Variants in TUBA4A observed in about 807,000 individuals in gnomAD.
TUBA4A encodes the protein tubulin alpha 4a, also known as tubulin alpha-4A chain.
Under a neutral mutation model 34.3 loss-of-function variants are expected in TUBA4A, and 23 were observed. That is an observed-to-expected ratio of 0.67 (90% confidence interval 0.48 to 0.95). The LOEUF is 0.95. Among genes scored for constraint, TUBA4A ranks in the 40% least tolerant of loss-of-function variants. TUBA4A has a pLI of 0.00. For synonymous variants in TUBA4A, 216 were observed against 230.5 expected (o/e 0.94, Z 0.57); for missense variants, 279 against 599.0 (o/e 0.47, Z 5.58).
Position 219,252,877 on chromosome 2 carries a change from C to G in TUBA4A, c.4-647G>C, listed in dbSNP as rs1490699754. ...GCAATAAGGTTTGAGGGTACTGGGG[C>G]GCTCACTGCCTTAGGCTCCGTCCCT... On this transcript the variant is annotated intron_variant, in intron 1 of 3. Transcript: ENST00000248437. This position sits in a 1 kb window ranked among gnomAD's most constrained non-coding sequence, Gnocchi z 4.1. 2 of 472,324 alleles carry G rather than the reference C, an allele frequency of 4.2e-6. No individual in the cohort carries two copies. The highest frequency in any genetic ancestry group is 8.8e-6 in the Non-Finnish European group (2 of 227,892). The allele number at this position is 472,324 out of a possible 1,614,324, so 29.3% of individuals were successfully genotyped here.
chr2:219,251,231 C>A lies in TUBA4A; in HGVS notation c.468G>T (p.Arg156=). 1 of 1,614,082 alleles carries A rather than the reference C, an allele frequency of 6.2e-7. No individual in the cohort carries two copies. Among genetic ancestry groups the A allele is most frequent in the Non-Finnish European group, 8.5e-7 (1 of 1,180,030 alleles). ...GSGFTSLLME[R]LSVDYGKKSK... is the part of the protein sequence containing the mutation. ...ATTTCTTGCCATAGTCAACAGAGAG[C>A]CGCTCCATCAGGAGTGAGGTGAAGC... is the stretch of plus-strand genomic sequence containing the variant. Residue 156 remains arginine (R), a synonymous_variant, in exon 4 of 4, where the codon CGG becomes CGT. Coordinates refer to ENST00000248437, the MANE Select transcript of TUBA4A (RefSeq NM_006000.3). This position sits in a 1 kb window ranked among gnomAD's most constrained non-coding sequence, Gnocchi z 6.1.
Position 219,252,328 on chromosome 2 carries a change from A to C in TUBA4A, c.4-98T>G. Reference sequence around the variant, plus strand: ...ACCCTATCATCTACCAGCTAGGATGACTCAGTTGGCAAGAGTGGAGGGTTG... The same window carrying C: ...ACCCTATCATCTACCAGCTAGGATGCCTCAGTTGGCAAGAGTGGAGGGTTG... On this transcript the variant is annotated intron_variant, in intron 1 of 3. Transcript: ENST00000248437. The surrounding 1 kb of genome is among the most constrained non-coding windows in gnomAD (Gnocchi z 4.1). 8.4e-7 allele frequency: 1 copy of C among 1,188,842 alleles called. No homozygotes were observed. The highest frequency in any genetic ancestry group is 1.4e-5 in the South Asian group (1 of 71,672). The allele number at this position is 1,188,842 out of a possible 1,614,324, so 73.6% of individuals were successfully genotyped here. A position where few individuals can be genotyped will look rare whatever the true frequency, so the allele number is the denominator to read the frequency against.
chr2:219,253,868 G>T lies in TUBA4A; in HGVS notation c.-10C>A. 1 of 1,464,568 alleles carries T rather than the reference G, an allele frequency of 6.8e-7. No homozygotes were observed. Among genetic ancestry groups the T allele is most frequent in the South Asian group, 1.4e-5 (1 of 70,084 alleles). 90.7% of individuals were successfully genotyped at this position (1,464,568 alleles called of 1,614,324 possible). Reference sequence around the variant, plus strand: ...GGGCCGCACTCACCATGGTGAGTCCGGGCGGTGCGTCTCACGTTGAGTCGG... The same window carrying T: ...GGGCCGCACTCACCATGGTGAGTCCTGGCGGTGCGTCTCACGTTGAGTCGG... On this transcript the variant is annotated 5_prime_UTR_variant, in exon 1 of 4. Coordinates refer to ENST00000248437, the MANE Select transcript of TUBA4A (RefSeq NM_006000.3).
chr2:219,253,797 TC>T, intron 1 of TUBA4A, 58 bp downstream of exon 1: 3 of 1,532,052 alleles, frequency 2.0e-6, no homozygotes, highest in South Asian at 1.2e-5. Context: ...GGAAGAAGTG[TC>T]CCCCAAAGGA....
chr2:219,252,376 GAGT>G lies in TUBA4A; in HGVS notation c.4-149_4-147del. The G allele has an allele frequency of 1.2e-6, 1 of 810,770 alleles. No homozygotes were observed. 50.2% of individuals were successfully genotyped at this position (810,770 alleles called of 1,614,324 possible). On this transcript the variant is annotated intron_variant, in intron 1 of 3. Transcript: ENST00000248437. This position sits in a 1 kb window ranked among gnomAD's most constrained non-coding sequence, Gnocchi z 4.1. ...TTGGGGCTGGGCAGAGGTGAGAAGA[GAGT>G]AGCAGCCTGCCCGGGCTCCCAGGTA...
Position 219,252,848 on chromosome 2 carries a change from G to A in TUBA4A, c.4-618C>T. 2.1e-6 allele frequency: 1 copy of A among 472,336 alleles called. No homozygotes were observed. The highest frequency in any genetic ancestry group is 4.4e-6 in the Non-Finnish European group (1 of 227,994). 29.3% of individuals were successfully genotyped at this position (472,336 alleles called of 1,614,324 possible). A position where few individuals can be genotyped will look rare whatever the true frequency, so the allele number is the denominator to read the frequency against. ...ATGCTTGTAAGCTCAGACAGCAGGG[G>A]CCAGCAATAAGGTTTGAGGGTACTG... On this transcript the variant is annotated intron_variant, in intron 1 of 3. Coordinates refer to ENST00000248437, the MANE Select transcript of TUBA4A (RefSeq NM_006000.3). The surrounding 1 kb of genome is among the most constrained non-coding windows in gnomAD (Gnocchi z 4.1).
upstream of TUBA4A, chr2:219,253,953 G>A (rs995032513): frequency 1.0e-5 from 12 of 1,184,042 alleles, no homozygotes; most frequent in South Asian, 2.5e-4. Flanking sequence ...TTATAGGCGG[G>A]GGGGGGGCGG....
In TUBA4A at chr2:219,251,478, A is replaced by T; in HGVS notation, c.375+87T>A. 1 of 1,553,372 alleles carries T rather than the reference A, an allele frequency of 6.4e-7. No homozygotes were observed. Among genetic ancestry groups the T allele is most frequent in the South Asian group, 1.2e-5 (1 of 82,014 alleles). On this transcript the variant is annotated intron_variant, in intron 3 of 3. Transcript: ENST00000248437. The surrounding 1 kb of genome is among the most constrained non-coding windows in gnomAD (Gnocchi z 6.1). ...CACTCGAGACCATGTATAGTTAGAG[A>T]TGACCTCCTGAAAGGATCTGAAAAA...
At position 219,251,566 on chromosome 2, in the gene TUBA4A, A is replaced by C. The variant is rs1243227760; in HGVS notation, c.374T>G (p.Leu125Arg). Reference protein sequence around the residue: ...IDPVLDRIRKLSDQCTGLQGF... With the variant: ...IDPVLDRIRKRSDQCTGLQGF... ...CTCCCTCCCAAGACACACTCTCACC[A>C]GCTTGCGGATCCGATCCAGCACTGG... is the stretch of plus-strand genomic sequence containing the variant. Residue 125 changes from leucine to arginine, a missense_variant and splice_region_variant, in exon 3 of 4, where the codon CTG becomes CGG. Physicochemically the swap from Leu to Arg is moderately radical, Grantham distance 102 (BLOSUM62 -2). Around this residue, in one of 3 missense-constraint regions of TUBA4A, gnomAD observed 98 missense variants for 171.1 expected, o/e 0.57. Transcript: ENST00000248437. The surrounding 1 kb of genome is among the most constrained non-coding windows in gnomAD (Gnocchi z 6.1). 6.2e-7 allele frequency: 1 copy of C among 1,613,018 alleles called. No homozygotes were observed. Among genetic ancestry groups the C allele is most frequent in the South Asian group, 1.1e-5 (1 of 91,026 alleles).
rs1951668525 is a variant in TUBA4A, at chr2:219,252,717, TG to T, written c.4-488del. On this transcript the variant is annotated intron_variant, in intron 1 of 3. Transcript: ENST00000248437. The surrounding 1 kb of genome is among the most constrained non-coding windows in gnomAD (Gnocchi z 4.1). ...CTCACCTTTAAATCCCATCTGGCTC[TG>T]GGGATCAATCCCATCTGGCTCCTCT... The T allele has an allele frequency of 2.2e-6, 1 of 457,062 alleles. No homozygotes were observed. Among genetic ancestry groups the T allele is most frequent in the African/African-American group, 2.0e-5 (1 of 49,948 alleles). 28.3% of individuals were successfully genotyped at this position (457,062 alleles called of 1,614,324 possible).
rs1951656475 is a variant in TUBA4A, at chr2:219,251,983, C to G, written c.226+25G>C. On this transcript the variant is annotated intron_variant, in intron 2 of 3. Coordinates refer to ENST00000248437, the MANE Select transcript of TUBA4A (RefSeq NM_006000.3). The surrounding 1 kb of genome is among the most constrained non-coding windows in gnomAD (Gnocchi z 6.1). ...GCTTTGAGTCATGCTCCACCCCCTT[C>G]AATTTTGTCCCCACTTCCTCTCACC... is the stretch of plus-strand genomic sequence containing the variant. The G allele has an allele frequency of 6.2e-7, 1 of 1,608,608 alleles. No homozygotes were observed. The highest frequency in any genetic ancestry group is 8.5e-7 in the Non-Finnish European group (1 of 1,175,134).
chr2:219,253,830 C>A, intron 1 of TUBA4A, 26 bp downstream of exon 1: 1 of 1,521,320 alleles, frequency 6.6e-7, no homozygotes, highest in Non-Finnish European at 8.8e-7. Flanking sequence ...AGGGGACAGG[C>A]GCGACCCCGG....
Position 219,252,996 on chromosome 2 carries a change from C to T in TUBA4A, c.4-766G>A, listed in dbSNP as rs757576007. On this transcript the variant is annotated intron_variant, in intron 1 of 3. Coordinates refer to ENST00000248437, the MANE Select transcript of TUBA4A (RefSeq NM_006000.3). The surrounding 1 kb of genome is among the most constrained non-coding windows in gnomAD (Gnocchi z 4.1). ...TGGCGGGGTGACGGTTTCCAAATACCCAGAAAGGAAGTGGAACCTGCGGTG... is the reference window on the plus strand; with the variant it reads ...TGGCGGGGTGACGGTTTCCAAATACTCAGAAAGGAAGTGGAACCTGCGGTG... 3.7e-5 allele frequency: 21 copies of T among 572,230 alleles called. No individual in the cohort carries two copies. The highest frequency in any genetic ancestry group is 5.8e-5 in the Non-Finnish European group (18 of 311,854). 35.4% of individuals were successfully genotyped at this position (572,230 alleles called of 1,614,324 possible).
At chr2:219,253,132 C>A in intron 1 of TUBA4A, 2 of 1,505,472 alleles carry the variant, frequency 1.3e-6, no homozygotes, top group Admixed American at 2.0e-5. Flanking sequence ...CAGCCCAAAG[C>A]GGGGATTGGG....
rs188037939 is a variant in TUBA4A at position 219,250,126 on chromosome 2, A to G, written c.*226T>C. 0.011 allele frequency: 6,898 copies of G among 647,030 alleles called. 63 individuals are homozygous for G. The highest frequency in any genetic ancestry group is 0.011 in the Non-Finnish European group (4,287 of 376,536). 40.1% of individuals were successfully genotyped at this position (647,030 alleles called of 1,614,324 possible). ...GAGTAACCCTAGGACTTCAATTTAAAGTCCCTGGGGTTATGCTTCCTGGGC... is the reference window on the plus strand; with the variant it reads ...GAGTAACCCTAGGACTTCAATTTAAGGTCCCTGGGGTTATGCTTCCTGGGC... On this transcript the variant is annotated 3_prime_UTR_variant, in exon 4 of 4. Transcript: ENST00000248437. The surrounding 1 kb of genome is among the most constrained non-coding windows in gnomAD (Gnocchi z 8.4).
rs954878024 is a variant in TUBA4A, at chr2:219,252,453, C to G, written c.4-223G>C. Among the ~76,000 whole-genome samples, 1 of 152,256 alleles carries G rather than the reference C, an allele frequency of 6.6e-6. No individual in the cohort carries two copies. The highest frequency in any genetic ancestry group is 1.5e-5 in the Non-Finnish European group (1 of 68,018). ...CCAGCAATGCAGGCCAACCTCTTAG[C>G]CCACTTCTCAGTGGGGAATCTGTCA... On this transcript the variant is annotated intron_variant, in intron 1 of 3. Coordinates refer to ENST00000248437, the MANE Select transcript of TUBA4A (RefSeq NM_006000.3). This position sits in a 1 kb window ranked among gnomAD's most constrained non-coding sequence, Gnocchi z 4.1.
Position 219,251,387 on chromosome 2 carries a change from T to C in TUBA4A, c.376-64A>G. On this transcript the variant is annotated intron_variant, in intron 3 of 3. Coordinates refer to ENST00000248437, the MANE Select transcript of TUBA4A (RefSeq NM_006000.3). The surrounding 1 kb of genome is among the most constrained non-coding windows in gnomAD (Gnocchi z 6.1). ...GAGGGGCCTGAGGGACTCTATCACC[T>C]GGCTCCATAAAGCGTAAGATACATC... 2 of 1,546,484 alleles carry C rather than the reference T, an allele frequency of 1.3e-6. No individual in the cohort carries two copies. The highest frequency in any genetic ancestry group is 2.0e-5 in the Admixed American group (1 of 51,260).
rs755620655 is a variant in TUBA4A, at chr2:219,252,023, C to T, written c.211G>A (p.Glu71Lys). 1 of 1,614,196 alleles carries T rather than the reference C, an allele frequency of 6.2e-7. No homozygotes were observed. Among genetic ancestry groups the T allele is most frequent in the South Asian group, 1.1e-5 (1 of 91,084 alleles). Reference sequence around the variant, plus strand: ...TTCCTCTCACCAATGACCGTAGGCTCCAGATCCACAAAAACTGCCCGGGGT... The same window carrying T: ...TTCCTCTCACCAATGACCGTAGGCTTCAGATCCACAAAAACTGCCCGGGGT... Reference protein sequence around the residue: ...HVPRAVFVDLEPTVIDEIRNG... With the variant: ...HVPRAVFVDLKPTVIDEIRNG... Residue 71 changes from glutamate to lysine, a missense_variant, in exon 2 of 4, where the codon GAG becomes AAG. Around this residue, in one of 3 missense-constraint regions of TUBA4A, gnomAD observed 98 missense variants for 171.1 expected, o/e 0.57. Transcript: ENST00000248437. This position sits in a 1 kb window ranked among gnomAD's most constrained non-coding sequence, Gnocchi z 4.1.
At position 219,251,999 on chromosome 2, in the gene TUBA4A, T is replaced by G; in HGVS notation, c.226+9A>C. On this transcript the variant is annotated intron_variant, in intron 2 of 3. Transcript: ENST00000248437. The surrounding 1 kb of genome is among the most constrained non-coding windows in gnomAD (Gnocchi z 6.1). ...CACCCCCTTCAATTTTGTCCCCACT[T>G]CCTCTCACCAATGACCGTAGGCTCC... The G allele has an allele frequency of 6.2e-7, 1 of 1,613,772 alleles. No individual in the cohort carries two copies. Among genetic ancestry groups the G allele is most frequent in the Non-Finnish European group, 8.5e-7 (1 of 1,179,702 alleles).
Sources: allele counts gnomAD v4.1 joint callset (sites outside exome capture counted in the v4.1 genomes callset), GRCh38; gene constraint gnomAD v4.1.1; regional missense constraint gnomAD v4.1.1; non-coding constraint Gnocchi (gnomAD v3.1); transcripts MANE v1.5; gene names NCBI Gene and HGNC (gene_info 2026-07-23, HGNC 2026-07-21).